TMEM132E: variants seen among roughly 807,000 people sequenced by gnomAD.
The protein encoded by TMEM132E is transmembrane protein 132E.
Under a neutral mutation model 78.5 loss-of-function variants are expected in TMEM132E, and 49 were observed. The observed-to-expected ratio is 0.62, with a 90% confidence interval of 0.50 to 0.79. The LOEUF is 0.79. TMEM132E is among the 30% of genes least tolerant of loss of function. The pLI, the probability that TMEM132E is intolerant of heterozygous loss-of-function variation, is 0.00. For missense variants in TMEM132E, 1,403 were observed against 1,470.9 expected, an observed-to-expected ratio of 0.95 and a Z score of 0.75; for synonymous variants, 715 against 670.6, an observed-to-expected ratio of 1.07 and a Z score of -1.02.
At chr17:34,605,471 C>G (rs59575493) in intron 1 of TMEM132E, among the ~76,000 whole-genome samples, 3,207 of 152,202 alleles carry the variant, frequency 0.021, 103 homozygotes, top group South Asian at 0.072. Context: ...CCCCCAGCAT[C>G]ACAGCATCCT....
rs1567719550 is a variant in TMEM132E, at chr17:34,626,435, G to C, written c.376G>C (p.Val126Leu). The C allele has an allele frequency of 1.4e-5, 23 of 1,613,384 alleles. No individual in the cohort carries two copies. Among genetic ancestry groups the C allele is most frequent in the Non-Finnish European group, 1.9e-5 (23 of 1,179,842 alleles). ...IPERLTVNWK[V>L]RAFIVRSHVP... The stretch of plus-strand genomic sequence containing the variant: ...CGAGCGCCTGACGGTGAACTGGAAG[G>C]TGCGGGCCTTCATCGTCCGCTCGCA... The change falls in exon 2 of 9, where the codon GTG (valine) becomes CTG (leucine). Residue 126 changes from valine to leucine, a missense_variant. Val to Leu is a conservative substitution (Grantham distance 32, BLOSUM62 1). Coordinates refer to ENST00000631683, the MANE Select transcript of TMEM132E (RefSeq NM_001304438.2).
At chr17:34,583,919 A>G (rs570044127) in intron 1 of TMEM132E, among the ~76,000 whole-genome samples, 4 of 152,296 alleles carry the variant, frequency 2.6e-5, no homozygotes, top group Admixed American at 2.6e-4. Flanking sequence ...GGGCACCTCT[A>G]CACTGTTCCC....
intron 1 of TMEM132E, among the ~76,000 whole-genome samples, chr17:34,586,942 CT>C (rs1280027855): frequency 6.6e-6 from 1 of 152,148 alleles, no homozygotes; most frequent in Non-Finnish European, 1.5e-5. Context: ...CTCACCCACA[CT>C]TTTTTTGGCC....
chr17:34,590,043 G>C (rs1905814382), intron 1 of TMEM132E, among the ~76,000 whole-genome samples: 2 of 152,236 alleles, frequency 1.3e-5, no homozygotes, highest in South Asian at 4.1e-4. Context: ...AGGTGGTGGG[G>C]TGAGAGGCAA....
chr17:34,624,180 A>G (rs1056755662), intron 1 of TMEM132E, among the ~76,000 whole-genome samples: 1 of 152,282 alleles, frequency 6.6e-6, no homozygotes, highest in African/African-American at 2.4e-5. Context: ...CCAGAGCCTC[A>G]AGAGCAAGGA....
intron 1 of TMEM132E, among the ~76,000 whole-genome samples, chr17:34,582,170 G>A (rs1905512512): frequency 6.6e-6 from 1 of 151,266 alleles, no homozygotes; most frequent in Non-Finnish European, 1.5e-5. Context: ...GGGCGGGGGT[G>A]TTTCGATGCT....
chr17:34,619,506 G>A (rs1400011654), intron 1 of TMEM132E, among the ~76,000 whole-genome samples: 17 of 142,676 alleles, frequency 1.2e-4, no homozygotes, highest in Admixed American at 7.7e-4. Flanking sequence ...TCATTCATTC[G>A]TAGATTTGAT....
intron 1 of TMEM132E, among the ~76,000 whole-genome samples, chr17:34,599,199 G>A (rs570390576): frequency 5.9e-5 from 9 of 152,170 alleles, no homozygotes; most frequent in Non-Finnish European, 1.3e-4. Context: ...AAACTGAGGT[G>A]GGGGGTTCCC....
At chr17:34,581,793 C>T (rs1009728051) in intron 1 of TMEM132E, among the ~76,000 whole-genome samples, 19 of 151,824 alleles carry the variant, frequency 1.3e-4, no homozygotes, top group Non-Finnish European at 1.5e-4. Flanking sequence ...GAGCGGGCTC[C>T]GCGCTCTCGC....
chr17:34,626,134 C>A lies in TMEM132E; in HGVS notation c.75C>A (p.Gly25=). Reference sequence around the variant, plus strand: ...TCCTCTGTCTGTCCCCAGCCTCTGGCCGCTCCCACCCGGCCAGCCCCAGCC... The same window carrying A: ...TCCTCTGTCTGTCCCCAGCCTCTGGACGCTCCCACCCGGCCAGCCCCAGCC... ...CLSALLAHAS[G]RSHPASPSPP... is the part of the protein sequence containing the mutation. Residue 25 remains glycine (G), a synonymous_variant, in exon 2 of 9, where the codon GGC becomes GGA. Transcript: ENST00000631683. The A allele has an allele frequency of 6.6e-7, 1 of 1,517,126 alleles. No homozygotes were observed. The highest frequency in any genetic ancestry group is 2.4e-5 in the East Asian group (1 of 42,202). The allele number at this position is 1,517,126 out of a possible 1,614,324, so 94.0% of individuals were successfully genotyped here.
chr17:34,630,716 C>T (rs543486341), intron 5 of TMEM132E, among the ~76,000 whole-genome samples: 24 of 152,098 alleles, frequency 1.6e-4, no homozygotes, highest in Non-Finnish European at 2.6e-4. Context: ...GTACTGAGGG[C>T]CCCACTCCCG....
chr17:34,599,676 AT>A (rs887539886), intron 1 of TMEM132E, among the ~76,000 whole-genome samples: 8 of 143,134 alleles, frequency 5.6e-5, no homozygotes, highest in Non-Finnish European at 1.3e-4. Context: ...TATTATTATC[AT>A]TTTTTTTATT....
At chr17:34,624,996 C>T (rs559862965) in intron 1 of TMEM132E, among the ~76,000 whole-genome samples, 10 of 152,292 alleles carry the variant, frequency 6.6e-5, no homozygotes, top group Middle Eastern at 3.4e-3. Context: ...CTCAAACCTC[C>T]GTTTGGGTCC....
chr17:34,600,141 C>G (rs1012486521), intron 1 of TMEM132E, among the ~76,000 whole-genome samples: 18 of 152,210 alleles, frequency 1.2e-4, no homozygotes, highest in African/African-American at 4.3e-4. Context: ...ACTTAGTCCC[C>G]TGTTCTAGGA....
At chr17:34,605,510 G>A (rs1906383158) in intron 1 of TMEM132E, among the ~76,000 whole-genome samples, 1 of 152,102 alleles carries the variant, frequency 6.6e-6, no homozygotes, top group Admixed American at 6.5e-5. Context: ...TGCTTGGGCT[G>A]AACACAGACA....
intron 1 of TMEM132E, among the ~76,000 whole-genome samples, chr17:34,598,332 G>T (rs1183273890): frequency 6.6e-6 from 1 of 152,108 alleles, no homozygotes; most frequent in Non-Finnish European, 1.5e-5. Context: ...GACAGTGAGG[G>T]AGACATGGCA....
At chr17:34,632,974 G>C (rs137873472) in intron 6 of TMEM132E, 65 bp downstream of exon 6, 1 of 1,572,998 alleles carries the variant, frequency 6.4e-7, no homozygotes, top group Non-Finnish European at 8.7e-7. Flanking sequence ...TCGGCCCACA[G>C]TCTGATCTGC....
intron 5 of TMEM132E, among the ~76,000 whole-genome samples, chr17:34,631,215 G>A (rs1321011250): frequency 6.6e-6 from 1 of 152,080 alleles, no homozygotes; most frequent in South Asian, 2.1e-4. Context: ...TCCAAGTCTG[G>A]GAAGCATGGG....
chr17:34,636,081 A>G lies in TMEM132E; in HGVS notation c.2052A>G (p.Thr684=). Residue 684 remains threonine, a synonymous_variant, in exon 8 of 9, where the codon ACA becomes ACG. Transcript: ENST00000631683. The part of the protein sequence containing the change: ...LTVTEEKVSI[T]QLQAQVVASL... ...TGACTGAGGAGAAGGTCAGCATCACACAGCTTCAGGCCCAGGTGGTGGCCA... is the reference window on the plus strand; with the variant it reads ...TGACTGAGGAGAAGGTCAGCATCACGCAGCTTCAGGCCCAGGTGGTGGCCA... 6.3e-7 allele frequency: 1 copy of G among 1,593,764 alleles called. No homozygotes were observed. Among genetic ancestry groups the G allele is most frequent in the Non-Finnish European group, 8.5e-7 (1 of 1,171,402 alleles).
Sources: gnomAD v4.1 joint callset for allele counts (sites outside exome capture counted in the v4.1 genomes callset) on GRCh38, gnomAD v4.1.1 for gene constraint, MANE v1.5 for transcripts, NCBI Gene and HGNC (gene_info 2026-07-23, HGNC 2026-07-21) for gene names.